Variants in C12orf42 observed in about 807,000 individuals in gnomAD.
C12orf42 encodes the protein chromosome 12 open reading frame 42.
In C12orf42, 25 loss-of-function variants were observed where a neutral mutation model predicts 21.6. The observed-to-expected ratio is 1.16, with a 90% CI of 0.84 to 1.62. C12orf42 has a LOEUF of 1.62. C12orf42 is among the 40% of genes most tolerant of loss of function. The probability of loss-of-function intolerance (pLI) is 0.00; values close to 1 mark genes in which losing one functional copy is unlikely to be tolerated. For synonymous variants in C12orf42, 174 were observed against 175.0 expected (o/e 0.99, Z 0.05); for missense variants, 483 against 459.3 (o/e 1.05, Z -0.47).
intron 3 of C12orf42, among the ~76,000 whole-genome samples, chr12:103,387,202 C>T (rs2046686225): frequency 1.3e-5 from 2 of 152,202 alleles, no homozygotes; most frequent in African/African-American, 4.8e-5. Context: ...CTTTACTGTC[C>T]CTTCAATATC....
intron 10 of C12orf42, among the ~76,000 whole-genome samples, chr12:103,250,021 C>A (rs2034213836): frequency 6.6e-6 from 1 of 152,064 alleles, no homozygotes; most frequent in South Asian, 2.1e-4. Flanking sequence ...TTAGTTGATG[C>A]AAATAATATT....
At chr12:103,261,363 T>A (rs899350342) in intron 10 of C12orf42, among the ~76,000 whole-genome samples, 1 of 151,368 alleles carries the variant, frequency 6.6e-6, no homozygotes, top group African/African-American at 2.4e-5. Flanking sequence ...ATGCCTGTAG[T>A]CCCAGCTACT....
At chr12:103,498,052 AAGAG>A (rs1028128448), upstream of C12orf42, among the ~76,000 whole-genome samples, 1 of 152,160 alleles carries the variant, frequency 6.6e-6, no homozygotes, top group East Asian at 1.9e-4. Flanking sequence ...AAAAAGAAGA[AAGAG>A]AGAAAACTAT....
chr12:103,413,270 G>A (rs1432986615), intron 2 of C12orf42, among the ~76,000 whole-genome samples: 2 of 152,096 alleles, frequency 1.3e-5, no homozygotes, highest in African/African-American at 4.8e-5. Flanking sequence ...TAGGTGTGTG[G>A]CTTCATTTTT....
chr12:103,336,422 C>T (rs2041701378), intron 4 of C12orf42, among the ~76,000 whole-genome samples: 1 of 152,174 alleles, frequency 6.6e-6, no homozygotes, highest in Non-Finnish European at 1.5e-5. Context: ...CCAAGCTTCA[C>T]CACTGACTAG....
At chr12:103,493,635 A>G (rs960355180) in intron 1 of C12orf42, among the ~76,000 whole-genome samples, 1 of 150,920 alleles carries the variant, frequency 6.6e-6, no homozygotes, top group African/African-American at 2.4e-5. Context: ...ACCCCCTTAC[A>G]TCTTCATATT....
At chr12:103,117,244 T>A in the C12orf42 span, among the ~76,000 whole-genome samples, 1 of 152,238 alleles carries the variant, frequency 6.6e-6, no homozygotes, top group Non-Finnish European at 1.5e-5. Flanking sequence ...CTGTTTTCCT[T>A]TCTAATTCCA....
At chr12:103,206,470 C>T in the C12orf42 span, among the ~76,000 whole-genome samples, 1 of 151,828 alleles carries the variant, frequency 6.6e-6, no homozygotes, top group Non-Finnish European at 1.5e-5. Context: ...GTGGTAGTTG[C>T]ATAAGTGTTA....
the C12orf42 span, among the ~76,000 whole-genome samples, chr12:103,548,379 A>T: frequency 1.3e-5 from 2 of 152,246 alleles, no homozygotes; most frequent in Non-Finnish European, 2.9e-5. Context: ...AAAAGATAGC[A>T]ATTGAATATA....
chr12:103,118,772 TAAAAAAAAAAAAAAAAA>T, the C12orf42 span, among the ~76,000 whole-genome samples: 31 of 41,658 alleles, frequency 7.4e-4, 1 homozygote, highest in African/African-American at 1.7e-3. Flanking sequence ...CACTCCAGCC[TAAAAAAAAAAAAAAAAA>T]AAAAAAAAAA....
chr12:103,181,972 T>C, the C12orf42 span, among the ~76,000 whole-genome samples: 1 of 152,224 alleles, frequency 6.6e-6, no homozygotes, highest in Non-Finnish European at 1.5e-5. Context: ...AGAATGATGT[T>C]AAGTGTGGTC....
chr12:103,285,682 G>T (rs887811362), intron 4 of C12orf42, among the ~76,000 whole-genome samples: 1 of 152,198 alleles, frequency 6.6e-6, no homozygotes, highest in Non-Finnish European at 1.5e-5. Flanking sequence ...AATAATATTG[G>T]ATGTATAGTC....
At chr12:103,267,442 ATACATATACATAT>A (rs2035226100), downstream of C12orf42, among the ~76,000 whole-genome samples, 2 of 152,184 alleles carry the variant, frequency 1.3e-5, no homozygotes, top group Non-Finnish European at 2.9e-5. Flanking sequence ...ATATGTATAC[ATACATATACATAT>A]GTAATATGTA....
the C12orf42 span, among the ~76,000 whole-genome samples, chr12:103,528,480 A>G: frequency 6.2e-4 from 94 of 151,766 alleles, 1 homozygote; most frequent in Non-Finnish European, 7.4e-4. Context: ...ATGGAGGGGG[A>G]CCCCTCATGA....
chr12:103,318,383 T>C (rs1371147582), intron 4 of C12orf42, among the ~76,000 whole-genome samples: 2 of 152,214 alleles, frequency 1.3e-5, no homozygotes, highest in African/African-American at 2.4e-5. Context: ...TGCCAAGTCA[T>C]GGGGTGTGCA....
intron 4 of C12orf42, among the ~76,000 whole-genome samples, chr12:103,322,120 C>T (rs7967555): frequency 0.011 from 1,086 of 95,140 alleles, 14 homozygotes; most frequent in African/African-American, 0.049. Flanking sequence ...CGTGCGCGCG[C>T]GCGCGCACAC....
intron 2 of C12orf42, among the ~76,000 whole-genome samples, chr12:103,431,883 G>C (rs565712377): frequency 6.6e-6 from 1 of 152,274 alleles, no homozygotes; most frequent in East Asian, 1.9e-4. Context: ...AGGGGCATAA[G>C]GCAGGAGAGA....
At chr12:103,317,502 G>T (rs1317581765) in intron 4 of C12orf42, among the ~76,000 whole-genome samples, 1 of 152,064 alleles carries the variant, frequency 6.6e-6, no homozygotes, top group Non-Finnish European at 1.5e-5. Flanking sequence ...TAAATGTCTG[G>T]GCTAGACTAC....
intron 4 of C12orf42, among the ~76,000 whole-genome samples, chr12:103,339,378 C>T (rs1023349183): frequency 6.6e-6 from 1 of 152,142 alleles, no homozygotes; most frequent in Non-Finnish European, 1.5e-5. Flanking sequence ...CTCTGAAAGG[C>T]CCCAGTATAT....
Sources: gnomAD v4.1 joint callset for allele counts (sites outside exome capture counted in the v4.1 genomes callset) on GRCh38, gnomAD v4.1.1 for gene constraint, MANE v1.5 for transcripts, NCBI Gene and HGNC (gene_info 2026-07-23, HGNC 2026-07-21) for gene names.